Variants in LHFPL3 observed in about 807,000 individuals in gnomAD.
LHFPL3 encodes LHFPL tetraspan subfamily member 3 protein.
A neutral mutation model predicts 19.3 loss-of-function variants in LHFPL3; 5 were observed. The ratio of observed to expected loss-of-function variants is 0.26; its 90% CI spans 0.14 to 0.54. The LOEUF is 0.54. LHFPL3 is among the 20% of genes least tolerant of loss of function. LHFPL3 has a pLI of 0.94. For synonymous variants in LHFPL3, 133 were observed against 126.2 expected (o/e 1.05, Z -0.36); for missense variants, 249 against 307.4 (o/e 0.81, Z 1.42).
At chr7:104,814,621 G>A (rs1790530421) in intron 2 of LHFPL3, among the ~76,000 whole-genome samples, 1 of 151,702 alleles carries the variant, frequency 6.6e-6, no homozygotes, top group Non-Finnish European at 1.5e-5. Context: ...GAACCTGTCT[G>A]CCTCCCTCTG....
At chr7:104,483,998 G>A (rs1412415027) in intron 1 of LHFPL3, among the ~76,000 whole-genome samples, 1 of 152,142 alleles carries the variant, frequency 6.6e-6, no homozygotes, top group Non-Finnish European at 1.5e-5. Context: ...GGTTTACATG[G>A]CAACTTTATT....
At chr7:104,555,587 C>T (rs1254585368) in intron 1 of LHFPL3, among the ~76,000 whole-genome samples, 2 of 152,190 alleles carry the variant, frequency 1.3e-5, no homozygotes, top group Non-Finnish European at 2.9e-5. Flanking sequence ...CATCGGGTTC[C>T]TCCCACAACA....
intron 1 of LHFPL3, among the ~76,000 whole-genome samples, chr7:104,709,474 C>T (rs369635770): frequency 5.9e-5 from 8 of 135,318 alleles, no homozygotes; most frequent in Non-Finnish European, 1.1e-4. Flanking sequence ...TTTAACAAAG[C>T]ACATCTTGCA....
intron 2 of LHFPL3, among the ~76,000 whole-genome samples, chr7:104,902,831 G>C (rs1792517428): frequency 6.6e-6 from 1 of 152,122 alleles, no homozygotes; most frequent in Non-Finnish European, 1.5e-5. Flanking sequence ...TCTAATGAGG[G>C]ATTTGGCCAT....
intron 1 of LHFPL3, among the ~76,000 whole-genome samples, chr7:104,511,221 C>G (rs1311631086): frequency 6.6e-6 from 1 of 152,086 alleles, no homozygotes; most frequent in Admixed American, 6.6e-5. Flanking sequence ...TGTTCAATGT[C>G]ATAAGCTGTT....
intron 1 of LHFPL3, among the ~76,000 whole-genome samples, chr7:104,344,751 TATA>T (rs1363019977): frequency 6.6e-6 from 1 of 152,384 alleles, no homozygotes; most frequent in East Asian, 1.9e-4. Context: ...GCCTTTTTGA[TATA>T]ATGACTTATT....
chr7:104,349,771 T>G (rs1052223917), intron 1 of LHFPL3, among the ~76,000 whole-genome samples: 2 of 152,216 alleles, frequency 1.3e-5, no homozygotes, highest in Non-Finnish European at 2.9e-5. Context: ...CTTTTTGACA[T>G]GCTATTCTAG....
At chr7:104,504,300 T>C (rs1264267354) in intron 1 of LHFPL3, among the ~76,000 whole-genome samples, 1 of 152,216 alleles carries the variant, frequency 6.6e-6, no homozygotes, top group Non-Finnish European at 1.5e-5. Context: ...TTTTAAGTCA[T>C]TGTCAATCAC....
At chr7:104,677,283 A>G (rs937402501) in intron 1 of LHFPL3, among the ~76,000 whole-genome samples, 1 of 151,960 alleles carries the variant, frequency 6.6e-6, no homozygotes, top group African/African-American at 2.4e-5. Flanking sequence ...AGGCTGAGGT[A>G]GGAGGATCAT....
At chr7:104,730,944 A>C (rs1793692008) in intron 1 of LHFPL3, among the ~76,000 whole-genome samples, 1 of 152,218 alleles carries the variant, frequency 6.6e-6, no homozygotes, top group South Asian at 2.1e-4. Flanking sequence ...GAAGGGATAC[A>C]GTTTCAGCTT....
rs1216358962 is a variant in LHFPL3, at chr7:104,650,987, A to C, written c.446-85688A>C. On this transcript the variant is annotated intron_variant, in intron 1 of 2. Transcript: ENST00000424859. Reference sequence around the variant, plus strand: ...ATCTGCATCTCAAAGGACTTTTAAGAATCTAACTAACCATCTTCTTATGAC... The same window carrying C: ...ATCTGCATCTCAAAGGACTTTTAAGCATCTAACTAACCATCTTCTTATGAC... 2.0e-5 allele frequency among the ~76,000 whole-genome samples: 3 copies of C among 152,330 alleles called. No homozygotes were observed. The East Asian group carries it at 5.8e-4, about 29-fold the overall frequency.
chr7:104,883,292 G>C (rs1792089238), intron 2 of LHFPL3, among the ~76,000 whole-genome samples: 1 of 152,104 alleles, frequency 6.6e-6, no homozygotes, highest in Admixed American at 6.5e-5. Context: ...GTATCAAAGA[G>C]TTCATATTGG....
chr7:104,786,995 T>C (rs1789932746), intron 2 of LHFPL3, among the ~76,000 whole-genome samples: 1 of 152,214 alleles, frequency 6.6e-6, no homozygotes, highest in African/African-American at 2.4e-5. Flanking sequence ...ATTATTATAG[T>C]ACATCTTTGC....
intron 1 of LHFPL3, among the ~76,000 whole-genome samples, chr7:104,501,569 G>T (rs1224789761): frequency 6.6e-6 from 1 of 152,142 alleles, no homozygotes; most frequent in Admixed American, 6.5e-5. Flanking sequence ...ATAATGGTGA[G>T]TCATACTGAT....
In LHFPL3 at chr7:104,725,664, T is replaced by C. The variant is rs112999100; in HGVS notation, c.446-11011T>C. 2.4e-3 allele frequency among the ~76,000 whole-genome samples: 361 copies of C among 152,306 alleles called. 2 individuals are homozygous for C. Among genetic ancestry groups the C allele is most frequent in the African/African-American group, 8.3e-3 (347 of 41,578 alleles). On this transcript the variant is annotated intron_variant, in intron 1 of 2. Transcript: ENST00000424859. ...ATCTTGTTATCACTAGACAATGCCT[T>C]AGACAGCAAGTTGAGTACTGACTAG... is the stretch of plus-strand genomic sequence containing the variant.
intron 1 of LHFPL3, among the ~76,000 whole-genome samples, chr7:104,700,832 G>A (rs1793087928): frequency 6.6e-6 from 1 of 152,142 alleles, no homozygotes; most frequent in South Asian, 2.1e-4. Flanking sequence ...ATTGATCGCA[G>A]TATCTATTCT....
intron 2 of LHFPL3, chr7:104,845,578 T>G: frequency 2.2e-6 from 2 of 903,894 alleles, no homozygotes; most frequent in Non-Finnish European, 3.2e-6. Context: ...GCCATAAATC[T>G]TCTGTCTTTG....
intron 1 of LHFPL3, among the ~76,000 whole-genome samples, chr7:104,362,033 T>C (rs554929352): frequency 2.0e-5 from 3 of 152,326 alleles, no homozygotes; most frequent in East Asian, 1.9e-4. Context: ...GATGCAGAAA[T>C]GCTCCTGGAC....
chr7:104,638,551 T>C (rs1007149180), intron 1 of LHFPL3, among the ~76,000 whole-genome samples: 1 of 152,152 alleles, frequency 6.6e-6, no homozygotes, highest in African/African-American at 2.4e-5. Flanking sequence ...CTTATTATTT[T>C]GATATATGTT....
Sources: gnomAD v4.1 joint callset for allele counts (sites outside exome capture counted in the v4.1 genomes callset) on GRCh38, gnomAD v4.1.1 for gene constraint, MANE v1.5 for transcripts, NCBI Gene and HGNC (gene_info 2026-07-23, HGNC 2026-07-21) for gene names.